The following ABI3BP variants were observed in gnomAD, a reference collection of about 807,000 sequenced individuals.
ABI3BP encodes ABI family member 3 binding protein.
Under a neutral mutation model 268.6 loss-of-function variants are expected in ABI3BP, and 216 were observed. The ratio of observed to expected loss-of-function variants is 0.80; its 90% confidence interval spans 0.72 to 0.90. ABI3BP has a LOEUF of 0.90. ABI3BP is among the 40% of genes least tolerant of loss of function. ABI3BP has a pLI of 0.00. For missense variants in ABI3BP, 2,090 were observed against 2,182.4 expected (o/e 0.96, Z 0.84); for synonymous variants, 730 against 730.0 (o/e 1.00, Z 0.00).
intron 50 of ABI3BP, among the ~76,000 whole-genome samples, chr3:100,806,836 T>C (rs1372403304): frequency 1.3e-5 from 2 of 151,602 alleles, no homozygotes; most frequent in South Asian, 2.1e-4. Flanking sequence ...GCTAAAAGTC[T>C]AAGTCAAAAT....
At chr3:100,968,513 C>A (rs1244443831) in intron 1 of ABI3BP, among the ~76,000 whole-genome samples, 1 of 152,168 alleles carries the variant, frequency 6.6e-6, no homozygotes, top group East Asian at 1.9e-4. Flanking sequence ...AACCATCTCA[C>A]AAAATTAAAG....
At chr3:100,799,112 A>G (rs1040788403) in intron 51 of ABI3BP, among the ~76,000 whole-genome samples, 8 of 152,088 alleles carry the variant, frequency 5.3e-5, no homozygotes, top group Non-Finnish European at 1.2e-4. Context: ...CGAATGCTCT[A>G]ATATCTTTAA....
chr3:100,825,751 T>C lies in ABI3BP; in HGVS notation c.2662+34A>G, dbSNP rs951986736. The stretch of plus-strand genomic sequence containing the variant: ...ACTGTACAACAAGCAGCAAAAGCAC[T>C]TGGCAAACAGCCAGGTAATTGTAGG... On this transcript the variant is annotated intron_variant, in intron 35 of 67. Transcript: ENST00000471714. 9.3e-6 allele frequency: 14 copies of C among 1,500,896 alleles called. No homozygotes were observed. The African/African-American group carries it at 1.9e-4, about 21-fold the overall frequency. The allele number at this position is 1,500,896 out of a possible 1,614,324, so 93.0% of individuals were successfully genotyped here.
chr3:100,822,440 A>C (rs748888165), intron 38 of ABI3BP, 149 bp downstream of exon 38: 3 of 610,704 alleles, frequency 4.9e-6, no homozygotes, highest in Non-Finnish European at 5.6e-6. Context: ...TGTTTCTCTT[A>C]CATCTTCACA....
chr3:100,908,879 A>G (rs1011106507), intron 2 of ABI3BP, among the ~76,000 whole-genome samples: 4 of 152,236 alleles, frequency 2.6e-5, no homozygotes, highest in African/African-American at 9.6e-5. Context: ...ACTACCATTG[A>G]CTTTCTTCAC....
At chr3:100,780,850 G>C (rs1330814302) in intron 57 of ABI3BP, among the ~76,000 whole-genome samples, 1 of 152,092 alleles carries the variant, frequency 6.6e-6, no homozygotes, top group African/African-American at 2.4e-5. Flanking sequence ...TAATCTTGTG[G>C]TTATTACTAG....
Position 100,866,749 on chromosome 3 carries a change from CCTA to C in ABI3BP, c.988+127_988+129del. On this transcript the variant is annotated intron_variant, in intron 10 of 67. Transcript: ENST00000471714. The stretch of plus-strand genomic sequence containing the variant: ...CCCAAACGTTAGAGACCTAGAATCT[CCTA>C]CTGTTTTGCATTTATGATCAAAATG... The C allele has an allele frequency of 4.1e-6, 3 of 726,734 alleles. No individual in the cohort carries two copies. In the East Asian group the frequency reaches 8.3e-5, roughly 20 times the overall value. The allele number at this position is 726,734 out of a possible 1,614,324, so 45.0% of individuals were successfully genotyped here.
intron 64 of ABI3BP, among the ~76,000 whole-genome samples, chr3:100,754,126 G>A (rs183743756): frequency 6.6e-6 from 1 of 152,220 alleles, no homozygotes; most frequent in East Asian, 1.9e-4. Flanking sequence ...AATTTCAAAA[G>A]CTGCTGCTTT....
intron 6 of ABI3BP, among the ~76,000 whole-genome samples, chr3:100,877,246 A>G (rs775921640): frequency 6.6e-6 from 1 of 152,176 alleles, no homozygotes; most frequent in African/African-American, 2.4e-5. Flanking sequence ...TAAGCTACCT[A>G]TTATCTTTGA....
At chr3:100,851,581 G>T (rs142350860) in intron 15 of ABI3BP, among the ~76,000 whole-genome samples, 31 of 152,294 alleles carry the variant, frequency 2.0e-4, no homozygotes, top group African/African-American at 6.7e-4. Flanking sequence ...CTAGAAACTC[G>T]AAGACCTTTT....
chr3:100,957,353 C>T (rs747781679), intron 1 of ABI3BP, among the ~76,000 whole-genome samples: 8 of 152,066 alleles, frequency 5.3e-5, no homozygotes, highest in Non-Finnish European at 7.4e-5. Flanking sequence ...GGAAAGACTA[C>T]AGGACAGGAA....
chr3:100,984,190 T>C lies in ABI3BP; in HGVS notation c.79+9116A>G, dbSNP rs372597082. Reference sequence around the variant, plus strand: ...CCTAGACCAATTTAAAATAAATTTGTTGGGGAGGCAGAGCATTACTGATAT... The same window carrying C: ...CCTAGACCAATTTAAAATAAATTTGCTGGGGAGGCAGAGCATTACTGATAT... On this transcript the variant is annotated intron_variant, in intron 1 of 67. Transcript: ENST00000471714. Among the ~76,000 whole-genome samples, 47 of 152,140 alleles carry C rather than the reference T, an allele frequency of 3.1e-4. No homozygotes were observed. In the East Asian group the frequency reaches 6.6e-3, roughly 21 times the overall value.
intron 14 of ABI3BP, among the ~76,000 whole-genome samples, chr3:100,858,402 C>T (rs377496429): frequency 4.4e-4 from 67 of 152,264 alleles, no homozygotes; most frequent in African/African-American, 1.6e-3. Context: ...CTCAGATTTC[C>T]TGGGATATTC....
Position 100,750,417 on chromosome 3 carries a change from G to T in ABI3BP, c.*78C>A. The T allele has an allele frequency of 1.8e-6, 2 of 1,120,320 alleles. No homozygotes were observed. The highest frequency in any genetic ancestry group is 2.6e-6 in the Non-Finnish European group (2 of 756,056). The allele number at this position is 1,120,320 out of a possible 1,614,324, so 69.4% of individuals were successfully genotyped here. A position where few individuals can be genotyped will look rare whatever the true frequency, so the allele number is the denominator to read the frequency against. On this transcript the variant is annotated 3_prime_UTR_variant, in exon 68 of 68. Coordinates refer to ENST00000471714, the MANE Select transcript of ABI3BP (RefSeq NM_001375547.2). ...ACTTTTATACATAGTAAACAAAATA[G>T]CTTTAAATGAATGCGGCATAGTATT... is the stretch of plus-strand genomic sequence containing the variant.
intron 9 of ABI3BP, among the ~76,000 whole-genome samples, chr3:100,867,640 CAAA>C (rs5851230): frequency 7.9e-4 from 51 of 64,224 alleles, no homozygotes; most frequent in African/African-American, 3.2e-3. Context: ...GACCCCGTCT[CAAA>C]AAAAAAAAAA....
intron 62 of ABI3BP, among the ~76,000 whole-genome samples, chr3:100,767,942 A>T (rs1432457290): frequency 6.6e-6 from 1 of 151,752 alleles, no homozygotes; most frequent in Non-Finnish European, 1.5e-5. Context: ...CCAGTTGGTT[A>T]TGCACCAAAG....
intron 2 of ABI3BP, chr3:100,912,293 A>AT (rs2056938514): frequency 6.4e-6 from 1 of 156,084 alleles, no homozygotes; most frequent in African/African-American, 2.4e-5. Context: ...AAAAAAAAAA[A>AT]AAAAAAAAAA....
rs1262947350 is a variant in ABI3BP at position 100,933,631 on chromosome 3, C to CT, written c.80-7151_80-7150insA. Among the ~76,000 whole-genome samples the CT allele has an allele frequency of 2.6e-3, 31 of 11,898 alleles. No homozygotes were observed. In the East Asian group the frequency reaches 0.11, roughly 41 times the overall value. The allele number at this position is 11,898 out of a possible 152,430, so 7.8% of individuals were successfully genotyped here. On this transcript the variant is annotated intron_variant, in intron 1 of 67. Transcript: ENST00000471714. ...GCTACCCATTGGGAGACAATATTTGCAATATATATATATATCTATTGAAGG... is the reference window on the plus strand; with the variant it reads ...GCTACCCATTGGGAGACAATATTTGCTAATATATATATATATCTATTGAAGG...
chr3:100,945,446 T>C, intron 1 of ABI3BP: 1 of 222,632 alleles, frequency 4.5e-6, no homozygotes, highest in South Asian at 5.7e-5. Flanking sequence ...ATAATCTATA[T>C]TCAGAACATT....
Sources: allele counts gnomAD v4.1 joint callset (sites outside exome capture counted in the v4.1 genomes callset), GRCh38; gene constraint gnomAD v4.1.1; transcripts MANE v1.5; gene names NCBI Gene and HGNC (gene_info 2026-07-23, HGNC 2026-07-21).